The following PINLYP variants were observed in gnomAD, a reference collection of about 807,000 sequenced individuals.
PINLYP encodes the protein phospholipase A2 inhibitor and LY6/PLAUR domain containing, also known as phospholipase A2 inhibitor and Ly6/PLAUR domain-containing protein.
In PINLYP, 12 loss-of-function variants were observed where a neutral mutation model predicts 15.8. That is an observed-to-expected ratio of 0.76 (90% CI 0.49 to 1.23). PINLYP has a LOEUF of 1.23. PINLYP is among the 50% of genes most tolerant of loss of function. The pLI, the probability that PINLYP is intolerant of heterozygous loss-of-function variation, is 0.00. For missense variants in PINLYP, 278 were observed against 264.2 expected (o/e 1.05, Z -0.36); for synonymous variants, 93 against 97.7 (o/e 0.95, Z 0.28).
chr19:43,581,907 CAG>C lies in PINLYP; in HGVS notation c.526_527del (p.Ser176TyrfsTer9), dbSNP rs1331847175. The C allele has an allele frequency of 9.1e-6, 14 of 1,536,698 alleles. No individual in the cohort carries two copies. The highest frequency in any genetic ancestry group is 4.8e-5 in the South Asian group (4 of 84,062). On this transcript the variant is annotated frameshift_variant, in exon 6 of 6. Coordinates refer to ENST00000599207, the Ensembl canonical transcript of PINLYP. LOFTEE classifies it low-confidence loss of function (END_TRUNC). ...AGATTTGCTATGCGGGGCTGTGCTA[CAG>C]AGAGTATGTGCTTTACCAAGCCTGG...
At chr19:43,579,173 G>T in intron 3 of PINLYP, 1 of 181,246 alleles carries the variant, frequency 5.5e-6, no homozygotes, top group Non-Finnish European at 1.2e-5. Flanking sequence ...GTGGAGTGTT[G>T]GAGTGGTGGA....
chr19:43,577,352 C>A (rs150323253), intron 2 of PINLYP, 91 bp downstream of exon 2: 6 of 1,251,052 alleles, frequency 4.8e-6, no homozygotes, highest in South Asian at 3.4e-5. Context: ...AGAGAAAGAG[C>A]CTTCAGCAAG....
exon 5 of PINLYP, chr19:43,581,685 T>A: frequency 6.5e-7 from 1 of 1,536,338 alleles, no homozygotes; most frequent in South Asian, 1.2e-5. Context: ...CGTCTCCTTA[T>A]CTGGACACGT....
chr19:43,580,597 G>A, intron 3 of PINLYP: 1 of 948,934 alleles, frequency 1.1e-6, no homozygotes, highest in Non-Finnish European at 1.2e-6. Context: ...AGTAATCCCG[G>A]AAGGACAGGG....
At position 43,581,998 on chromosome 19, in the gene PINLYP, CT is replaced by C; in HGVS notation, c.613del (p.Ter205GlufsTer11). ...ATCATATAGAGTGCACTCACTCCCC[CT>C]GAAAAGCTATCTGAACAGAGGAAGA... On this transcript the variant is annotated frameshift_variant and stop_lost, in exon 6 of 6. Coordinates refer to ENST00000599207, the Ensembl canonical transcript of PINLYP. LOFTEE classifies it high-confidence loss of function. 1.3e-6 allele frequency: 2 copies of C among 1,536,148 alleles called. No individual in the cohort carries two copies. Among genetic ancestry groups the C allele is most frequent in the Non-Finnish European group, 1.7e-6 (2 of 1,146,918 alleles).
At chr19:43,580,807 G>A in intron 3 of PINLYP, 1 of 664,158 alleles carries the variant, frequency 1.5e-6, no homozygotes, top group Non-Finnish European at 1.9e-6. Context: ...GCTTGAAAGA[G>A]ACCGCCCCGG....
rs947542214 is a variant in PINLYP at position 43,576,362 on chromosome 19, C to T, written c.-635C>T. Among the ~76,000 whole-genome samples the T allele has an allele frequency of 1.3e-5, 2 of 151,958 alleles. No individual in the cohort carries two copies. Among genetic ancestry groups the T allele is most frequent in the African/African-American group, 2.4e-5 (1 of 41,452 alleles). ...ACACACACGCACATATACATACATACGCGCGCGCGCACGCGCGAAAAAAAT... is the reference window on the plus strand; with the variant it reads ...ACACACACGCACATATACATACATATGCGCGCGCGCACGCGCGAAAAAAAT... On this transcript the variant is annotated 5_prime_UTR_variant, in exon 1 of 6. It adds an upstream start codon to the 5' untranslated region. Coordinates refer to ENST00000599207, the Ensembl canonical transcript of PINLYP.
chr19:43,579,551 A>G (rs1420868514), intron 3 of PINLYP, among the ~76,000 whole-genome samples: 1 of 150,748 alleles, frequency 6.6e-6, no homozygotes, highest in Non-Finnish European at 1.5e-5. Flanking sequence ...CTGGCTGAGC[A>G]AATCATCGTA....
At chr19:43,580,431 G>A in intron 3 of PINLYP, 1 of 704,208 alleles carries the variant, frequency 1.4e-6, no homozygotes, top group Non-Finnish European at 1.7e-6. Flanking sequence ...TCTGAGGAGT[G>A]ACCATGGCAG....
intron 3 of PINLYP, 36 bp from the exon 4 acceptor site, chr19:43,581,176 C>A: frequency 1.3e-6 from 2 of 1,527,622 alleles, no homozygotes; most frequent in South Asian, 2.4e-5. Context: ...AGGGAGTGGT[C>A]AGCCAGCACT....
chr19:43,581,340 G>C, exon 4 of PINLYP: 1 of 1,536,798 alleles, frequency 6.5e-7, no homozygotes, highest in Non-Finnish European at 8.7e-7. Flanking sequence ...CCAGAGCGAC[G>C]GCTGCAACAG....
intron 3 of PINLYP, among the ~76,000 whole-genome samples, chr19:43,579,627 G>T (rs1289011114): frequency 3.4e-5 from 5 of 146,030 alleles, no homozygotes; most frequent in Non-Finnish European, 7.5e-5. Flanking sequence ...GGCCGGGCAC[G>T]GTGGTTCACG....
chr19:43,577,306 G>A (rs911096024), intron 2 of PINLYP, 45 bp downstream of exon 2: 1 of 1,519,094 alleles, frequency 6.6e-7, no homozygotes, highest in Non-Finnish European at 8.8e-7. Context: ...CTCAGGAAGA[G>A]AGAGGTCCCA....
upstream of PINLYP, chr19:43,575,728 C>G: frequency 2.7e-6 from 1 of 367,406 alleles, no homozygotes; most frequent in Non-Finnish European, 4.9e-6. Context: ...CAACCCCGCT[C>G]TAGCCTCGCC....
chr19:43,581,029 C>G lies in PINLYP; in HGVS notation c.188-183C>G, dbSNP rs989914741. The G allele has an allele frequency of 5.8e-6, 4 of 691,890 alleles. No homozygotes were observed. In the African/African-American group the frequency reaches 7.3e-5, roughly 13 times the overall value. The allele number at this position is 691,890 out of a possible 1,614,324, so 42.9% of individuals were successfully genotyped here. On this transcript the variant is annotated intron_variant, in intron 3 of 5. Coordinates refer to ENST00000599207, the Ensembl canonical transcript of PINLYP. Reference sequence around the variant, plus strand: ...GAGGTTGCAGTGAGCCAAGATCGCGCCATTGCACTCCAGCCTGGGCAACTC... The same window carrying G: ...GAGGTTGCAGTGAGCCAAGATCGCGGCATTGCACTCCAGCCTGGGCAACTC...
At chr19:43,575,533 G>C (rs747856852), upstream of PINLYP, 5 of 1,512,808 alleles carry the variant, frequency 3.3e-6, no homozygotes, top group Admixed American at 9.1e-5. Context: ...AGAGTGGGAG[G>C]GGGCGGGGTG....
Position 43,580,985 on chromosome 19 carries a change from C to T in PINLYP, c.188-227C>T, listed in dbSNP as rs537167099. 1,241 of 486,404 alleles carry T rather than the reference C, an allele frequency of 2.6e-3. 3 individuals carry two copies. The highest frequency in any genetic ancestry group is 3.5e-3 in the Non-Finnish European group (1,002 of 286,372). The allele number at this position is 486,404 out of a possible 1,614,324, so 30.1% of individuals were successfully genotyped here. A position where few individuals can be genotyped will look rare whatever the true frequency, so the allele number is the denominator to read the frequency against. The stretch of plus-strand genomic sequence containing the variant: ...GGGCATGGTGGCGGTCGCCTGTGAT[C>T]GCAGCTACTCGGGAGGTGGAGGTTG... On this transcript the variant is annotated intron_variant, in intron 3 of 5. Transcript: ENST00000599207.
intron 3 of PINLYP, chr19:43,580,455 A>G: frequency 1.2e-6 from 1 of 838,712 alleles, no homozygotes; most frequent in Non-Finnish European, 1.4e-6. Flanking sequence ...CTGAGAGAGG[A>G]GGATGCCTGT....
At chr19:43,581,360 G>A in exon 4 of PINLYP, 1 of 1,536,672 alleles carries the variant, frequency 6.5e-7, no homozygotes, top group Non-Finnish European at 8.7e-7. Context: ...GTGCCTTTTT[G>A]TCTGGTAAGA....
Sources: gnomAD v4.1 joint callset for allele counts (sites outside exome capture counted in the v4.1 genomes callset) on GRCh38, gnomAD v4.1.1 for gene constraint, MANE v1.5 for transcripts, NCBI Gene and HGNC (gene_info 2026-07-23, HGNC 2026-07-21) for gene names.